Variants in TENM2 observed in about 807,000 individuals in gnomAD.
TENM2 encodes teneurin transmembrane protein 2.
A neutral mutation model predicts 245.2 loss-of-function variants in TENM2; 52 were observed. The observed-to-expected ratio is 0.21, with a 90% CI of 0.17 to 0.27. The LOEUF (loss-of-function observed/expected upper bound fraction) is 0.27. TENM2 is among the 10% of genes least tolerant of loss of function. TENM2 has a pLI of 1.00. For missense variants in TENM2, 3,046 were observed against 3,666.8 expected (o/e 0.83, Z 4.37); for synonymous variants, 1,363 against 1,438.9 (o/e 0.95, Z 1.19).
intron 7 of TENM2, among the ~76,000 whole-genome samples, chr5:168,085,826 C>G (rs773829991): frequency 5.3e-5 from 8 of 152,232 alleles, no homozygotes; most frequent in Non-Finnish European, 8.8e-5. Context: ...GCAGCCCTAG[C>G]TCACATGTGC....
chr5:168,145,626 C>T (rs1220234963), intron 12 of TENM2, among the ~76,000 whole-genome samples: 2 of 152,066 alleles, frequency 1.3e-5, no homozygotes, highest in Non-Finnish European at 2.9e-5. Flanking sequence ...ATGCCTCCAG[C>T]TTTGTTCTTT....
intron 2 of TENM2, among the ~76,000 whole-genome samples, chr5:167,620,039 A>G (rs995774795): frequency 6.6e-5 from 10 of 152,124 alleles, no homozygotes; most frequent in African/African-American, 2.4e-4. Context: ...GAATATATGT[A>G]TGTATTTTAA....
At chr5:168,203,853 T>A (rs748935286) in intron 18 of TENM2, 21 bp downstream of exon 20, 1 of 1,582,798 alleles carries the variant, frequency 6.3e-7, no homozygotes, top group Non-Finnish European at 8.6e-7. Context: ...ACATCTTCTT[T>A]CCCAAATACA....
At chr5:167,795,972 A>T (rs76764423) in intron 2 of TENM2, among the ~76,000 whole-genome samples, 3,088 of 152,298 alleles carry the variant, frequency 0.02, 111 homozygotes, top group African/African-American at 0.07. Context: ...TTACTTTATT[A>T]CTATTTTTAA....
chr5:167,424,653 C>G (rs538080390), intron 2 of TENM2, among the ~76,000 whole-genome samples: 1 of 151,988 alleles, frequency 6.6e-6, no homozygotes, highest in South Asian at 2.1e-4. Flanking sequence ...TTTAAAGGCT[C>G]TTAATATTCC....
chr5:167,438,549 G>A (rs542673471), intron 2 of TENM2, among the ~76,000 whole-genome samples: 20 of 151,966 alleles, frequency 1.3e-4, no homozygotes, highest in Non-Finnish European at 2.5e-4. Context: ...CTGCCACCAC[G>A]CCTGGCTAAT....
the TENM2 span, among the ~76,000 whole-genome samples, chr5:166,992,069 T>G: frequency 7.9e-5 from 12 of 152,088 alleles, no homozygotes; most frequent in African/African-American, 2.9e-4. Context: ...ATTTTTTTTT[T>G]TTTTTTACTA....
chr5:167,395,300 G>A (rs1031773626), intron 2 of TENM2, among the ~76,000 whole-genome samples: 1 of 152,112 alleles, frequency 6.6e-6, no homozygotes, highest in Non-Finnish European at 1.5e-5. Context: ...CAGTGTTAGT[G>A]TATAGAAATA....
intron 2 of TENM2, among the ~76,000 whole-genome samples, chr5:167,497,460 C>T (rs1335683834): frequency 1.3e-5 from 2 of 151,978 alleles, no homozygotes; most frequent in African/African-American, 2.4e-5. Flanking sequence ...TTTGATGACT[C>T]GACATTCACC....
the TENM2 span, among the ~76,000 whole-genome samples, chr5:167,104,107 A>G: frequency 6.6e-6 from 1 of 151,790 alleles, no homozygotes; most frequent in African/African-American, 2.4e-5. Flanking sequence ...TGCCTGGATC[A>G]CCCTGTATCA....
At chr5:167,295,223 A>T (rs1391595809) in intron 1 of TENM2, among the ~76,000 whole-genome samples, 5 of 152,240 alleles carry the variant, frequency 3.3e-5, no homozygotes, top group African/African-American at 1.2e-4. Flanking sequence ...TGTGGATGGT[A>T]TGTCTGTCCA....
At chr5:167,839,183 C>A (rs1245361669) in intron 2 of TENM2, among the ~76,000 whole-genome samples, 1 of 152,098 alleles carries the variant, frequency 6.6e-6, no homozygotes, top group East Asian at 1.9e-4. Context: ...TCAATGACAC[C>A]CACATTCCCA....
chr5:167,281,557 A>G (rs35534205), upstream of TENM2, among the ~76,000 whole-genome samples: 16,565 of 152,130 alleles, frequency 0.11, 1,085 homozygotes, highest in East Asian at 0.26. Context: ...ATAATTTTCC[A>G]TCATTTATCC....
rs146967997 is a variant in TENM2, at chr5:168,135,570, T to C, written c.2422+8604T>C. 3.9e-3 allele frequency among the ~76,000 whole-genome samples: 596 copies of C among 152,310 alleles called. 2 individuals carry two copies. Among genetic ancestry groups the C allele is most frequent in the African/African-American group, 0.014 (566 of 41,568 alleles). ...AAGGTAACCACATCGTTGGCTATTA[T>C]TGAACTTTTCCATTAATGGGTAATA... On this transcript the variant is annotated intron_variant, in intron 12 of 28. Coordinates refer to ENST00000518659, the Ensembl canonical transcript of TENM2.
At chr5:167,989,038 C>G (rs1783456513) in intron 4 of TENM2, among the ~76,000 whole-genome samples, 1 of 152,146 alleles carries the variant, frequency 6.6e-6, no homozygotes, top group Non-Finnish European at 1.5e-5. Flanking sequence ...TTTATTCTGT[C>G]CACAAATATG....
the TENM2 span, among the ~76,000 whole-genome samples, chr5:167,051,990 G>T: frequency 6.6e-6 from 1 of 152,080 alleles, no homozygotes; most frequent in Admixed American, 6.6e-5. Flanking sequence ...TTTTGAATTT[G>T]AGTGGATATC....
chr5:167,658,732 A>G (rs1755012317), intron 2 of TENM2, among the ~76,000 whole-genome samples: 1 of 152,180 alleles, frequency 6.6e-6, no homozygotes, highest in Non-Finnish European at 1.5e-5. Context: ...AGGATAGCAC[A>G]TGGGGTAATT....
intron 6 of TENM2, among the ~76,000 whole-genome samples, chr5:168,057,780 C>CT (rs1789678823): frequency 6.6e-6 from 1 of 152,064 alleles, no homozygotes; most frequent in African/African-American, 2.4e-5. Flanking sequence ...TATAGAGCTT[C>CT]TAAAATTTTA....
chr5:167,631,968 C>T (rs959137284), intron 2 of TENM2, among the ~76,000 whole-genome samples: 7 of 152,158 alleles, frequency 4.6e-5, no homozygotes, highest in African/African-American at 1.7e-4. Flanking sequence ...GTTATTCTCT[C>T]AGCCCCTGCC....
Sources: gnomAD v4.1 joint callset for allele counts (sites outside exome capture counted in the v4.1 genomes callset) on GRCh38, gnomAD v4.1.1 for gene constraint, MANE v1.5 for transcripts, NCBI Gene and HGNC (gene_info 2026-07-23, HGNC 2026-07-21) for gene names.